The following EFNA5 variants were observed in gnomAD, a reference collection of about 807,000 sequenced individuals.
EFNA5 encodes the protein ephrin-A5.
Under a neutral mutation model 22.9 loss-of-function variants are expected in EFNA5, and 5 were observed. The observed-to-expected ratio is 0.22, with a 90% CI of 0.11 to 0.46. The LOEUF (loss-of-function observed/expected upper bound fraction) is 0.46. Among genes scored for constraint, EFNA5 ranks in the 20% least tolerant of loss-of-function variants. The pLI, the probability that EFNA5 is intolerant of heterozygous loss-of-function variation, is 0.99. For synonymous variants in EFNA5, 113 were observed against 112.2 expected (o/e 1.01, Z -0.04); for missense variants, 237 against 293.3 (o/e 0.81, Z 1.40).
intron 1 of EFNA5, among the ~76,000 whole-genome samples, chr5:107,541,609 CA>C (rs1220431189): frequency 2.0e-5 from 3 of 152,228 alleles, no homozygotes; most frequent in African/African-American, 7.2e-5. Context: ...TTTTGTCTAG[CA>C]GGCAACTTCT....
chr5:107,391,520 GA>G (rs979662118), intron 2 of EFNA5, among the ~76,000 whole-genome samples: 2 of 150,898 alleles, frequency 1.3e-5, no homozygotes, highest in Non-Finnish European at 3.0e-5. Context: ...GCAAACAGGT[GA>G]AAAAAAAATC....
chr5:107,561,509 C>T (rs1466874240), intron 1 of EFNA5, among the ~76,000 whole-genome samples: 4 of 152,066 alleles, frequency 2.6e-5, no homozygotes, highest in South Asian at 2.1e-4. Flanking sequence ...GCTGGGATTA[C>T]AGGAGTGTGC....
intron 1 of EFNA5, among the ~76,000 whole-genome samples, chr5:107,529,789 C>G (rs1747771321): frequency 6.6e-6 from 1 of 152,194 alleles, no homozygotes; most frequent in Non-Finnish European, 1.5e-5. Context: ...CTTCCCTCCA[C>G]AACAAAGTAT....
In EFNA5 at chr5:107,381,351, C is replaced by A; in HGVS notation, c.591G>T (p.Glu197Asp). The A allele has an allele frequency of 6.2e-7, 1 of 1,613,884 alleles. No individual in the cohort carries two copies. The highest frequency in any genetic ancestry group is 8.5e-7 in the Non-Finnish European group (1 of 1,179,846). ...PADDTVHESA[E>D]PSRGENAAQT... ...GTGCCGCGTTCTCGCCGCGGGATGG[C>A]TCGGCTGACTCATGTACGGTGTCAT... is the stretch of plus-strand genomic sequence containing the variant. Residue 197 changes from glutamate to aspartate, a missense_variant, in exon 5 of 5, where the codon GAG becomes GAT. Around this residue, in one of 3 missense-constraint regions of EFNA5, gnomAD observed 104 missense variants for 114.5 expected, o/e 0.91. Transcript: ENST00000333274.
rs193058701 is a variant in EFNA5 at position 107,508,766 on chromosome 5, A to G, written c.126-81257T>C. The stretch of plus-strand genomic sequence containing the variant: ...TAAGCAATAAATTATTCTTGTTTTT[A>G]TAATAATGAGAAAAAAGTTCTAGAA... On this transcript the variant is annotated intron_variant, in intron 1 of 4. Coordinates refer to ENST00000333274, the MANE Select transcript of EFNA5 (RefSeq NM_001962.3). Among the ~76,000 whole-genome samples the G allele has an allele frequency of 8.5e-5, 13 of 152,366 alleles. No individual in the cohort carries two copies. In the East Asian group the frequency reaches 1.7e-3, roughly 20 times the overall value.
intron 1 of EFNA5, among the ~76,000 whole-genome samples, chr5:107,442,128 T>G (rs1054888355): frequency 7.9e-5 from 12 of 152,160 alleles, no homozygotes; most frequent in Non-Finnish European, 1.6e-4. Context: ...TAACCTACAG[T>G]AATTATATAA....
Position 107,381,296 on chromosome 5 carries a change from C to A in EFNA5, c.646G>T (p.Ala216Ser). 1 of 1,614,004 alleles carries A rather than the reference C, an allele frequency of 6.2e-7. No homozygotes were observed. The change falls in exon 5 of 5, where the codon GCA (alanine) becomes TCA (serine). Residue 216 changes from alanine (A) to serine (S), a missense_variant. This residue lies in a region of EFNA5 where 104 missense variants were observed against 114.5 expected (regional missense o/e 0.91). Coordinates refer to ENST00000333274, the MANE Select transcript of EFNA5 (RefSeq NM_001962.3). ...QTPRIPSRLL[A>S]ILLFLLAMLL... is the part of the protein sequence containing the mutation. ...ATCGCCAGGAGGAACAGTAGGATTG[C>A]CAAAAGGCGGCTGGGTATCCTTGGT...
At chr5:107,608,057 C>T (rs1021526358) in intron 1 of EFNA5, among the ~76,000 whole-genome samples, 5 of 152,254 alleles carry the variant, frequency 3.3e-5, no homozygotes, top group East Asian at 1.9e-4. Context: ...AACGTCAAAA[C>T]GAACACAGAC....
At chr5:107,626,817 T>G (rs1355703431) in intron 1 of EFNA5, among the ~76,000 whole-genome samples, 1 of 152,238 alleles carries the variant, frequency 6.6e-6, no homozygotes, top group East Asian at 1.9e-4. Context: ...GTGAAAAGTA[T>G]TTCTTTCTTA....
chr5:107,662,395 A>C (rs1750981298), intron 1 of EFNA5, among the ~76,000 whole-genome samples: 1 of 152,190 alleles, frequency 6.6e-6, no homozygotes, highest in Non-Finnish European at 1.5e-5. Flanking sequence ...ATCTTACGGA[A>C]GCTCTGCTTT....
At chr5:107,647,817 AT>A (rs1324014411) in intron 1 of EFNA5, among the ~76,000 whole-genome samples, 2 of 152,106 alleles carry the variant, frequency 1.3e-5, no homozygotes, top group African/African-American at 4.8e-5. Flanking sequence ...GTCACAGGAA[AT>A]GGGGTGAATC....
intron 1 of EFNA5, among the ~76,000 whole-genome samples, chr5:107,569,393 ATG>A (rs1264957305): frequency 1.4e-5 from 2 of 144,450 alleles, no homozygotes; most frequent in African/African-American, 2.5e-5. Flanking sequence ...TTTTATGTAT[ATG>A]TGTGTATATA....
chr5:107,561,397 C>A (rs77099932), intron 1 of EFNA5, among the ~76,000 whole-genome samples: 2 of 152,114 alleles, frequency 1.3e-5, no homozygotes, highest in East Asian at 3.9e-4. Context: ...GAGATGGAGT[C>A]TTGCTCTATC....
intron 1 of EFNA5, among the ~76,000 whole-genome samples, chr5:107,467,187 T>C (rs1580471041): frequency 6.6e-6 from 1 of 152,096 alleles, no homozygotes; most frequent in East Asian, 1.9e-4. Flanking sequence ...TCAAATCTCA[T>C]CACTTAGGGC....
chr5:107,556,785 T>TAAATAAATAAATAAAATA (rs1554066388), intron 1 of EFNA5, among the ~76,000 whole-genome samples: 1 of 141,678 alleles, frequency 7.1e-6, no homozygotes, highest in Non-Finnish European at 1.5e-5. Context: ...AATAAATAAA[T>TAAATAAATAAATAAAATA]AAATAAAATA....
At chr5:107,510,979 T>A (rs192401046) in intron 1 of EFNA5, among the ~76,000 whole-genome samples, 2 of 151,666 alleles carry the variant, frequency 1.3e-5, no homozygotes, top group Non-Finnish European at 2.9e-5. Flanking sequence ...TATTTCAACA[T>A]AGTTGCATTT....
At chr5:107,544,275 A>G (rs1446954123) in intron 1 of EFNA5, among the ~76,000 whole-genome samples, 2 of 152,192 alleles carry the variant, frequency 1.3e-5, no homozygotes, top group Non-Finnish European at 2.9e-5. Context: ...TTGCTGAACA[A>G]AACAGTAAAT....
chr5:107,469,633 A>G (rs1750085254), intron 1 of EFNA5, among the ~76,000 whole-genome samples: 1 of 151,996 alleles, frequency 6.6e-6, no homozygotes. Flanking sequence ...GATGTCAACT[A>G]TGAGAGAAGT....
intron 1 of EFNA5, among the ~76,000 whole-genome samples, chr5:107,660,275 T>TAA (rs2112559891): frequency 3.3e-5 from 1 of 30,574 alleles, no homozygotes; most frequent in Non-Finnish European, 6.1e-5. Flanking sequence ...TATATATATA[T>TAA]ATATATATAT....
Sources: gnomAD v4.1 joint callset for allele counts (sites outside exome capture counted in the v4.1 genomes callset) on GRCh38, gnomAD v4.1.1 for gene constraint, gnomAD v4.1.1 regional missense constraint, MANE v1.5 for transcripts, NCBI Gene and HGNC (gene_info 2026-07-23, HGNC 2026-07-21) for gene names.